The following TNNI3K variants were observed in gnomAD, a reference collection of about 807,000 sequenced individuals.
TNNI3K encodes serine/threonine-protein kinase TNNI3K.
In TNNI3K, 140 loss-of-function variants were observed where a neutral mutation model predicts 114.5. The observed-to-expected ratio is 1.22, with a 90% CI of 1.07 to 1.41. TNNI3K has a LOEUF of 1.41. Ranked by LOEUF, TNNI3K falls within the 40% of genes most tolerant of loss-of-function variation. The pLI, the probability that TNNI3K is intolerant of heterozygous loss-of-function variation, is 0.00. For synonymous variants in TNNI3K, 347 were observed against 347.5 expected (o/e 1.00, Z 0.02); for missense variants, 1,125 against 1,007.6 (o/e 1.12, Z -1.58).
intron 17 of TNNI3K, among the ~76,000 whole-genome samples, chr1:74,411,460 A>T (rs994817706): frequency 6.6e-6 from 1 of 152,170 alleles, no homozygotes; most frequent in Non-Finnish European, 1.5e-5. Flanking sequence ...GGTCTAACAC[A>T]TAGGTCAAAT....
At chr1:74,471,044 C>T (rs530198674) in intron 21 of TNNI3K, 13 of 400,650 alleles carry the variant, frequency 3.2e-5, no homozygotes, top group Non-Finnish European at 4.4e-5. Flanking sequence ...TCCATTTGCT[C>T]AGTTGAGAAT....
chr1:74,281,352 G>GTGTA (rs1557471520), intron 5 of TNNI3K, among the ~76,000 whole-genome samples: 1 of 151,940 alleles, frequency 6.6e-6, no homozygotes, highest in African/African-American at 2.4e-5. Flanking sequence ...GTGTGTGTGT[G>GTGTA]TGTGTGTGTA....
intron 23 of TNNI3K, among the ~76,000 whole-genome samples, chr1:74,500,385 A>T (rs1048858304): frequency 1.3e-5 from 2 of 151,784 alleles, no homozygotes; most frequent in Admixed American, 1.3e-4. Context: ...GCGGATCACG[A>T]GGTCAGGAGA....
At chr1:74,416,866 G>T (rs1055959440) in intron 17 of TNNI3K, among the ~76,000 whole-genome samples, 1 of 151,624 alleles carries the variant, frequency 6.6e-6, no homozygotes, top group Non-Finnish European at 1.5e-5. Context: ...TATCTTTGTG[G>T]AAGACTCCAT....
intron 4 of TNNI3K, among the ~76,000 whole-genome samples, chr1:74,270,962 T>G (rs934234471): frequency 6.6e-6 from 1 of 151,802 alleles, no homozygotes; most frequent in Non-Finnish European, 1.5e-5. Context: ...AGAATTACTT[T>G]AATTGTTGCA....
intron 21 of TNNI3K, chr1:74,480,155 G>T (rs1183543835): frequency 2.8e-6 from 2 of 714,750 alleles, no homozygotes; most frequent in Admixed American, 4.0e-5. Flanking sequence ...CGGCATACCT[G>T]CGAAGCCAAG....
Position 74,544,214 on chromosome 1 carries a change from T to C in TNNI3K, c.*232T>C, listed in dbSNP as rs11810626. The C allele has an allele frequency of 5.5e-4, 244 of 441,740 alleles. No homozygotes were observed. The highest frequency in any genetic ancestry group is 4.4e-3 in the African/African-American group (211 of 48,452). The allele number at this position is 441,740 out of a possible 1,614,324, so 27.4% of individuals were successfully genotyped here. ...AATGTATATGAAGAATTGTTTTTAA[T>C]TTTGTAAATTAAAAAAAAATTTAGA... is the stretch of plus-strand genomic sequence containing the variant. On this transcript the variant is annotated 3_prime_UTR_variant, in exon 25 of 25. Transcript: ENST00000326637.
chr1:74,325,735 G>A (rs1298115004), intron 5 of TNNI3K, among the ~76,000 whole-genome samples: 2 of 152,118 alleles, frequency 1.3e-5, no homozygotes, highest in African/African-American at 2.4e-5. Context: ...TTAAAAAATT[G>A]TCTACGAAGT....
intron 17 of TNNI3K, chr1:74,374,356 T>C (rs1291260239): frequency 6.6e-6 from 1 of 151,960 alleles, no homozygotes; most frequent in Non-Finnish European, 1.5e-5. Context: ...CATGCTTTCA[T>C]TTAACCACGC....
intron 5 of TNNI3K, among the ~76,000 whole-genome samples, chr1:74,305,660 G>T (rs557184113): frequency 6.6e-6 from 1 of 152,150 alleles, no homozygotes; most frequent in African/African-American, 2.4e-5. Context: ...TGGCCCAACA[G>T]TATTCCCAGA....
intron 17 of TNNI3K, among the ~76,000 whole-genome samples, chr1:74,416,951 C>A (rs1016606705): frequency 4.7e-4 from 71 of 152,096 alleles, no homozygotes; most frequent in African/African-American, 1.6e-3. Context: ...AAAGACTTGA[C>A]TAGGGTGTCT....
At chr1:74,494,809 G>A (rs1364413115) in intron 23 of TNNI3K, among the ~76,000 whole-genome samples, 3 of 152,136 alleles carry the variant, frequency 2.0e-5, no homozygotes, top group Non-Finnish European at 1.5e-5. Context: ...TTTAAGGAGA[G>A]GTACTATTGT....
intron 5 of TNNI3K, among the ~76,000 whole-genome samples, chr1:74,324,586 A>T (rs1166708703): frequency 1.3e-5 from 2 of 152,172 alleles, no homozygotes; most frequent in African/African-American, 2.4e-5. Flanking sequence ...TGAGTTTATA[A>T]GATAAACTTA....
At chr1:74,301,573 G>T (rs1190051470) in intron 5 of TNNI3K, among the ~76,000 whole-genome samples, 3 of 152,134 alleles carry the variant, frequency 2.0e-5, no homozygotes, top group African/African-American at 7.2e-5. Context: ...CCCTAAAAAA[G>T]ACTTGATTGC....
intron 20 of TNNI3K, among the ~76,000 whole-genome samples, chr1:74,444,445 GA>G (rs959662517): frequency 6.7e-5 from 10 of 149,804 alleles, no homozygotes; most frequent in South Asian, 2.1e-4. Context: ...GCTACAAAGA[GA>G]AAAAAAAACC....
Position 74,448,281 on chromosome 1 carries a change from A to G in TNNI3K, c.2011+8659A>G, listed in dbSNP as rs1666801931. 1.6e-4 allele frequency among the ~76,000 whole-genome samples: 24 copies of G among 146,518 alleles called. No homozygotes were observed. In the South Asian group the frequency reaches 5.1e-3, roughly 31 times the overall value. Reference sequence around the variant, plus strand: ...ATAATAAAAAAAAAAAAAAAAAAAAAAAGAATGCTTGTGATTTTTGTACAT... The same window carrying G: ...ATAATAAAAAAAAAAAAAAAAAAAAGAAGAATGCTTGTGATTTTTGTACAT... On this transcript the variant is annotated intron_variant, in intron 20 of 24. Coordinates refer to ENST00000326637, the MANE Select transcript of TNNI3K (RefSeq NM_015978.3).
chr1:74,340,052 A>G (rs1451132333), intron 7 of TNNI3K, among the ~76,000 whole-genome samples: 1 of 152,096 alleles, frequency 6.6e-6, no homozygotes, highest in East Asian at 1.9e-4. Context: ...TGTATTACAC[A>G]GATCTGTTAC....
intron 23 of TNNI3K, among the ~76,000 whole-genome samples, chr1:74,524,677 A>G (rs1646479353): frequency 1.3e-5 from 2 of 151,080 alleles, no homozygotes; most frequent in African/African-American, 4.8e-5. Flanking sequence ...AGCAGCAAAT[A>G]AAACACAGAA....
chr1:74,385,366 GTAGATGTAGT>G (rs1331961685), intron 17 of TNNI3K, among the ~76,000 whole-genome samples: 1 of 152,156 alleles, frequency 6.6e-6, no homozygotes, highest in Admixed American at 6.5e-5. Context: ...TAGTCTTTAA[GTAGATGTAGT>G]TCTTCCTTCT....
Sources: gnomAD v4.1 joint callset for allele counts (sites outside exome capture counted in the v4.1 genomes callset) on GRCh38, gnomAD v4.1.1 for gene constraint, MANE v1.5 for transcripts, NCBI Gene and HGNC (gene_info 2026-07-23, HGNC 2026-07-21) for gene names.